CEP170B: variants seen among roughly 807,000 people sequenced by gnomAD.
The protein encoded by CEP170B is centrosomal protein 170B, also known as centrosomal protein of 170 kDa protein B.
A neutral mutation model predicts 120.6 loss-of-function variants in CEP170B; 55 were observed. That is an observed-to-expected ratio of 0.46 (90% CI 0.37 to 0.57). The LOEUF (loss-of-function observed/expected upper bound fraction) is 0.57. Among genes scored for constraint, CEP170B ranks in the 20% least tolerant of loss-of-function variants. The pLI is 0.00. For missense variants in CEP170B, 2,212 were observed against 2,253.3 expected (o/e 0.98, Z 0.37); for synonymous variants, 1,033 against 954.5 (o/e 1.08, Z -1.52).
At chr14:104,872,363 GTGTGTGTGCCATGGGTGTGCA>G (rs1363895650) in intron 2 of CEP170B, among the ~76,000 whole-genome samples, 1 of 73,388 alleles carries the variant, frequency 1.4e-5, no homozygotes, top group East Asian at 2.9e-4. Flanking sequence ...TGTGTGCCGC[GTGTGTGTGCCATGGGTGTGCA>G]TGTGTGCCGT....
At chr14:104,894,079 A>C in intron 16 of CEP170B, 1 of 647,284 alleles carries the variant, frequency 1.5e-6, no homozygotes, top group Non-Finnish European at 2.7e-6. Flanking sequence ...CCTAGCCCTC[A>C]TCCCGGGCCC....
At chr14:104,885,254 C>T (rs951435495) in intron 9 of CEP170B, 115 bp from the exon 10 acceptor site, 3 of 1,250,500 alleles carry the variant, frequency 2.4e-6, no homozygotes, top group Admixed American at 6.3e-5. Flanking sequence ...CCACCAGCCA[C>T]TCTGGCCAAC....
rs1450929050 is a variant in CEP170B at position 104,887,584 on chromosome 14, G to A, written c.3345G>A (p.Leu1115=). The change falls in exon 12 of 19, where the codon CTG becomes CTA. Residue 1115 remains leucine (L), a synonymous_variant. Transcript: ENST00000414716. ...AGGCCTTGACCCGCTCCAACAGCCT[G>A]TCCACCCCTCGCCCCACACGGGCCT... ...GPQALTRSNS[L]STPRPTRASR... The A allele has an allele frequency of 4.4e-6, 7 of 1,590,874 alleles. No homozygotes were observed. The African/African-American group carries it at 9.4e-5, about 21-fold the overall frequency.
intron 4 of CEP170B, 34 bp downstream of exon 4, chr14:104,877,997 T>G: frequency 6.5e-7 from 1 of 1,546,636 alleles, no homozygotes; most frequent in Non-Finnish European, 8.9e-7. Context: ...CCTCCTGGGC[T>G]TCTTCTCAGT....
chr14:104,894,613 A>T (rs1361041461), intron 18 of CEP170B, 25 bp downstream of exon 18: 1 of 1,607,612 alleles, frequency 6.2e-7, no homozygotes, highest in South Asian at 1.1e-5. Flanking sequence ...AGCCTGGGGC[A>T]GCAAGGGAGG....
In CEP170B at chr14:104,882,894, G is replaced by A. The variant is rs1054156626; in HGVS notation, c.577+62G>A. On this transcript the variant is annotated intron_variant, in intron 7 of 18. Transcript: ENST00000414716. ...CTCCCAGAGGGTGGTGTGTGAAGGGGATGGCCTGGGCTTGAGGAGCCCACT... is the reference window on the plus strand; with the variant it reads ...CTCCCAGAGGGTGGTGTGTGAAGGGAATGGCCTGGGCTTGAGGAGCCCACT... The A allele has an allele frequency of 1.4e-5, 21 of 1,539,122 alleles. No homozygotes were observed. The African/African-American group carries it at 2.4e-4, about 18-fold the overall frequency.
At position 104,867,577 on chromosome 14, in the gene CEP170B, C is replaced by T. The variant is rs1469949794; in HGVS notation, c.-27-847C>T. Among the ~76,000 whole-genome samples the T allele has an allele frequency of 1.3e-5, 2 of 152,132 alleles. No individual in the cohort carries two copies. The highest frequency in any genetic ancestry group is 2.4e-5 in the African/African-American group (1 of 41,410). On this transcript the variant is annotated intron_variant, in intron 1 of 18. Transcript: ENST00000414716. The surrounding 1 kb of genome is among the most constrained non-coding windows in gnomAD (Gnocchi z 5.4). ...TGTGTGCTGGCATGCTCCGGGCTTG[C>T]AGGGTGCATGCTGGCTGGGTATAGG...
chr14:104,892,768 G>A (rs915399878), intron 13 of CEP170B, among the ~76,000 whole-genome samples: 10 of 152,256 alleles, frequency 6.6e-5, no homozygotes, highest in Non-Finnish European at 1.2e-4. Flanking sequence ...GTGGCTGTGG[G>A]GAGTTTGGCC....
At chr14:104,892,932 G>C (rs779381738) in intron 13 of CEP170B, 44 bp from the exon 14 acceptor site, 1 of 1,548,506 alleles carries the variant, frequency 6.5e-7, no homozygotes, top group East Asian at 2.4e-5. Context: ...CTGCTGCCCC[G>C]ACTTCCTCTG....
At chr14:104,872,246 T>TGG (rs559775277) in intron 2 of CEP170B, among the ~76,000 whole-genome samples, 22 of 130,708 alleles carry the variant, frequency 1.7e-4, no homozygotes, top group African/African-American at 6.7e-4. Context: ...TGTGTGCGTG[T>TGG]GTGTGCCATG....
rs1896860312 is a variant in CEP170B at position 104,891,650 on chromosome 14, C to T, written c.3879-1326C>T. Among the ~76,000 whole-genome samples the T allele has an allele frequency of 6.6e-6, 1 of 151,904 alleles. No homozygotes were observed. Among genetic ancestry groups the T allele is most frequent in the African/African-American group, 2.4e-5 (1 of 41,314 alleles). Reference sequence around the variant, plus strand: ...TAGGGCTCTGGACAGAGACACTGCACCTGGCTGAGAAGGGGGTGGGTGCTT... The same window carrying T: ...TAGGGCTCTGGACAGAGACACTGCATCTGGCTGAGAAGGGGGTGGGTGCTT... On this transcript the variant is annotated intron_variant, in intron 13 of 18. Transcript: ENST00000414716. The surrounding 1 kb of genome is among the most constrained non-coding windows in gnomAD (Gnocchi z 4.3).
chr14:104,864,892 G>A (rs963712241), upstream of CEP170B, among the ~76,000 whole-genome samples: 3 of 152,296 alleles, frequency 2.0e-5, no homozygotes, highest in African/African-American at 7.2e-5. The surrounding 1 kb of genome is among the most constrained non-coding windows in gnomAD (Gnocchi z 5.9). Flanking sequence ...GCTGGCCCTG[G>A]GCCAGGGCGC....
chr14:104,883,087 C>G lies in CEP170B; in HGVS notation c.630C>G (p.Ala210=), dbSNP rs533624231. 6.4e-7 allele frequency: 1 copy of G among 1,572,590 alleles called. No homozygotes were observed. The highest frequency in any genetic ancestry group is 1.4e-5 in the African/African-American group (1 of 73,946). ...ACGGGGAGCTCCACGGCTTCCGCGC[C>G]CCTGCTGAGCCTCAGGGCTGCTCGT... ...QQDGELHGFR[A]PAEPQGCSFR... Residue 210 remains alanine, a synonymous_variant, in exon 8 of 19, where the codon GCC becomes GCG. Transcript: ENST00000414716.
chr14:104,896,253 A>C lies in CEP170B; in HGVS notation c.*1295A>C. 1 of 261,290 alleles carries C rather than the reference A, an allele frequency of 3.8e-6. No homozygotes were observed. Among genetic ancestry groups the C allele is most frequent in the Non-Finnish European group, 7.7e-6 (1 of 129,582 alleles). 16.2% of individuals were successfully genotyped at this position (261,290 alleles called of 1,614,324 possible). A position where few individuals can be genotyped will look rare whatever the true frequency, so the allele number is the denominator to read the frequency against. ...TGGTGTGTGTCCCCTGTTTACTTTT[A>C]GCTGAGCTGGGGTTGGGTGTACGGG... On this transcript the variant is annotated 3_prime_UTR_variant, in exon 19 of 19. Transcript: ENST00000414716.
chr14:104,869,875 A>G (rs1466453999), intron 2 of CEP170B, among the ~76,000 whole-genome samples: 3 of 152,146 alleles, frequency 2.0e-5, no homozygotes, highest in Non-Finnish European at 4.4e-5. Flanking sequence ...CACATTACTC[A>G]GGAATTTTGT....
At chr14:104,893,912 T>A in intron 16 of CEP170B, 63 bp downstream of exon 16, 1 of 1,468,700 alleles carries the variant, frequency 6.8e-7, no homozygotes, top group African/African-American at 1.4e-5. Context: ...GAGCTGAGAC[T>A]CAGCCTGGCT....
chr14:104,886,914 T>C lies in CEP170B; in HGVS notation c.2675T>C (p.Leu892Pro). ...CCCCACATCTCCAGCCACCCGCTTC[T>C]ACAGGACCTGGCCGCTACCCGGGCC... is the stretch of plus-strand genomic sequence containing the variant. ...KPPHISSHPL[L>P]QDLAATRAAR... Residue 892 changes from leucine to proline, a missense_variant, in exon 12 of 19, where the codon CTA becomes CCA. By Grantham distance (98) the Leu-to-Pro change is moderately conservative. Transcript: ENST00000414716. 6.2e-7 allele frequency: 1 copy of C among 1,610,124 alleles called. No individual in the cohort carries two copies. Among genetic ancestry groups the C allele is most frequent in the Non-Finnish European group, 8.5e-7 (1 of 1,179,798 alleles).
intron 6 of CEP170B, among the ~76,000 whole-genome samples, chr14:104,882,360 G>T (rs534458946): frequency 6.6e-6 from 1 of 152,160 alleles, no homozygotes; most frequent in Non-Finnish European, 1.5e-5. Context: ...CTCTGGGGTC[G>T]GGAAGGCCGG....
chr14:104,872,317 G>A (rs1395620960), intron 2 of CEP170B, among the ~76,000 whole-genome samples: 3 of 77,154 alleles, frequency 3.9e-5, no homozygotes, highest in Non-Finnish European at 9.3e-5. Flanking sequence ...GTGCGTGTGT[G>A]CCGTGGGTGT....
Sources: gnomAD v4.1 joint callset for allele counts (sites outside exome capture counted in the v4.1 genomes callset) on GRCh38, gnomAD v4.1.1 for gene constraint, Gnocchi (gnomAD v3.1) non-coding constraint, MANE v1.5 for transcripts, NCBI Gene and HGNC (gene_info 2026-07-23, HGNC 2026-07-21) for gene names.